The following STPG2 variants were observed in gnomAD, a reference collection of about 807,000 sequenced individuals.
The protein encoded by STPG2 is sperm-tail PG-rich repeat-containing protein 2.
STPG2 carries 56 observed loss-of-function variants against 54.2 expected under a neutral mutation model. That is an observed-to-expected ratio of 1.03 (90% CI 0.83 to 1.29). The LOEUF (loss-of-function observed/expected upper bound fraction) is 1.29. Ranked by LOEUF, STPG2 falls within the 50% of genes most tolerant of loss-of-function variation. The pLI is 0.00. For missense variants in STPG2, 596 were observed against 544.9 expected, an observed-to-expected ratio of 1.09 and a Z score of -0.93; for synonymous variants, 200 against 181.8, an observed-to-expected ratio of 1.10 and a Z score of -0.81.
In STPG2 at chr4:98,044,699, T is replaced by G. The variant is rs779493215; in HGVS notation, c.612+61254A>C. 2.0e-5 allele frequency among the ~76,000 whole-genome samples: 3 copies of G among 152,246 alleles called. No individual in the cohort carries two copies. The South Asian group carries it at 6.2e-4, about 32-fold the overall frequency. The stretch of plus-strand genomic sequence containing the variant: ...GAGTTTTTGGGGGTTATTCTACCAA[T>G]AAACAGTCTATTGGGAAGAAAACAG... On this transcript the variant is annotated intron_variant, in intron 5 of 10. Transcript: ENST00000295268.
chr4:97,887,694 GA>G (rs1171485949), intron 8 of STPG2, among the ~76,000 whole-genome samples: 6 of 152,298 alleles, frequency 3.9e-5, no homozygotes, highest in Admixed American at 3.9e-4. Context: ...ATTTTCTGGG[GA>G]AAAAATTAAG....
At chr4:97,942,386 T>A (rs1455022429) in intron 8 of STPG2, among the ~76,000 whole-genome samples, 1 of 151,992 alleles carries the variant, frequency 6.6e-6, no homozygotes, top group Non-Finnish European at 1.5e-5. Context: ...ACAGTTGAAC[T>A]CTAAAATTCC....
chr4:97,889,760 T>G (rs1341564702), intron 8 of STPG2, among the ~76,000 whole-genome samples: 2 of 152,128 alleles, frequency 1.3e-5, no homozygotes, highest in African/African-American at 2.4e-5. Flanking sequence ...AAAGATCTAT[T>G]GTATAACATG....
chr4:97,563,971 T>A (rs1732340982), intron 10 of STPG2, among the ~76,000 whole-genome samples: 1 of 152,214 alleles, frequency 6.6e-6, no homozygotes, highest in South Asian at 2.1e-4. Flanking sequence ...AGAGCTGAGT[T>A]CAATTCCTGG....
intron 4 of STPG2, among the ~76,000 whole-genome samples, chr4:97,533,102 C>T (rs963860315): frequency 1.3e-5 from 2 of 151,978 alleles, no homozygotes; most frequent in East Asian, 1.9e-4. Context: ...AGGATGGTTT[C>T]GATCTTCTGA....
chr4:97,577,140 T>C (rs542401206), intron 10 of STPG2, among the ~76,000 whole-genome samples: 2 of 152,322 alleles, frequency 1.3e-5, no homozygotes, highest in South Asian at 2.1e-4. Flanking sequence ...ACACTGTTGA[T>C]GGTAATGTAA....
chr4:98,046,051 T>TC (rs150978123), intron 5 of STPG2, among the ~76,000 whole-genome samples: 1 of 48,354 alleles, frequency 2.1e-5, no homozygotes, highest in Non-Finnish European at 4.4e-5. Context: ...TTTTTCATTC[T>TC]TTTTTTTTTT....
At chr4:98,103,817 A>G (rs1739114237) in intron 5 of STPG2, among the ~76,000 whole-genome samples, 1 of 151,786 alleles carries the variant, frequency 6.6e-6, no homozygotes, top group South Asian at 2.1e-4. Flanking sequence ...TTCCTCCAGG[A>G]TCTGTTCTTA....
At chr4:98,061,324 C>G (rs1403224505) in intron 5 of STPG2, among the ~76,000 whole-genome samples, 1 of 152,102 alleles carries the variant, frequency 6.6e-6, no homozygotes, top group Non-Finnish European at 1.5e-5. Flanking sequence ...AGCCAGAAGA[C>G]CTCAGAAAAC....
rs1255881740 is a variant in STPG2 at position 98,134,592 on chromosome 4, G to C, written c.110-133C>G. The C allele has an allele frequency of 3.6e-5, 13 of 359,636 alleles. No individual in the cohort carries two copies. The East Asian group carries it at 5.5e-4, about 15-fold the overall frequency. The allele number at this position is 359,636 out of a possible 1,614,324, so 22.3% of individuals were successfully genotyped here. On this transcript the variant is annotated intron_variant, in intron 1 of 10. Transcript: ENST00000295268. ...TTATTTTCAGAACTGTCTAGTCAGAGAAGTTATTACATTTTTTAAAATCTG... is the reference window on the plus strand; with the variant it reads ...TTATTTTCAGAACTGTCTAGTCAGACAAGTTATTACATTTTTTAAAATCTG...
At chr4:97,680,995 T>C (rs890693291) in intron 10 of STPG2, among the ~76,000 whole-genome samples, 8 of 152,114 alleles carry the variant, frequency 5.3e-5, no homozygotes, top group Admixed American at 1.3e-4. Flanking sequence ...TAAAAATCTA[T>C]GTTTTTATTT....
chr4:97,506,138 A>G (rs940500011), intron 4 of STPG2, among the ~76,000 whole-genome samples: 1 of 151,856 alleles, frequency 6.6e-6, no homozygotes, highest in Admixed American at 6.6e-5. Flanking sequence ...ACTCACTTCA[A>G]GACAGCTTAG....
At chr4:98,003,660 C>A (rs866991303) in intron 5 of STPG2, among the ~76,000 whole-genome samples, 17 of 151,968 alleles carry the variant, frequency 1.1e-4, no homozygotes, top group African/African-American at 4.1e-4. Flanking sequence ...CTCATATGAT[C>A]GTGTGTTTTC....
rs783959 is a variant in STPG2, at chr4:97,972,325, C to T, written c.888G>A (p.Ser296=). 722,288 of 1,601,294 alleles carry T rather than the reference C, an allele frequency of 0.45. 166,093 individuals are homozygous for T. Among genetic ancestry groups the T allele is most frequent in the Admixed American group, 0.58 (34,060 of 58,922 alleles). Residue 296 remains serine, a synonymous_variant, in exon 7 of 11, where the codon TCG becomes TCA. Coordinates refer to ENST00000295268, the MANE Select transcript of STPG2 (RefSeq NM_174952.3). ...FGSSVPRTFF[S]VQKEACATPG... ...GGGTAGCACAAGCTTCTTTCTGAAC[C>T]GAGAAGAAAGTCCGAGGAACAGAAG...
At chr4:98,069,834 C>T (rs1449422415) in intron 5 of STPG2, among the ~76,000 whole-genome samples, 1 of 152,000 alleles carries the variant, frequency 6.6e-6, no homozygotes, top group Non-Finnish European at 1.5e-5. Context: ...AGTAAAAATA[C>T]CTACCTCCAC....
intron 4 of STPG2, among the ~76,000 whole-genome samples, chr4:97,497,272 T>C (rs1730630253): frequency 6.6e-6 from 1 of 151,806 alleles, no homozygotes; most frequent in African/African-American, 2.4e-5. Flanking sequence ...CATCCTTTGC[T>C]ACATGCCCAA....
intron 10 of STPG2, among the ~76,000 whole-genome samples, chr4:97,571,995 T>C (rs1362777689): frequency 6.6e-6 from 1 of 152,190 alleles, no homozygotes; most frequent in Non-Finnish European, 1.5e-5. Context: ...TGCTACACAA[T>C]GGTGTGGCAA....
chr4:97,905,163 C>A (rs1199919786), intron 8 of STPG2, among the ~76,000 whole-genome samples: 6 of 151,082 alleles, frequency 4.0e-5, no homozygotes, highest in Non-Finnish European at 8.9e-5. Context: ...GTCAGATTCA[C>A]CAAAGTTGAA....
chr4:98,059,471 A>G (rs1737577727), intron 5 of STPG2, among the ~76,000 whole-genome samples: 1 of 152,034 alleles, frequency 6.6e-6, no homozygotes, highest in Non-Finnish European at 1.5e-5. Context: ...ATTCTACCAA[A>G]TTTACAAAGA....
Sources: gnomAD v4.1 joint callset for allele counts (sites outside exome capture counted in the v4.1 genomes callset) on GRCh38, gnomAD v4.1.1 for gene constraint, MANE v1.5 for transcripts, NCBI Gene and HGNC (gene_info 2026-07-23, HGNC 2026-07-21) for gene names.